Variants in RPH3AL observed in about 807,000 individuals in gnomAD.
RPH3AL encodes rab effector Noc2.
Under a neutral mutation model 43.1 loss-of-function variants are expected in RPH3AL, and 38 were observed. That is an observed-to-expected ratio of 0.88 (90% CI 0.68 to 1.15). The LOEUF is 1.15. RPH3AL is among the 50% of genes most tolerant of loss of function. RPH3AL has a pLI of 0.00. For synonymous variants in RPH3AL, 189 were observed against 176.3 expected, an observed-to-expected ratio of 1.07 and a Z score of -0.57; for missense variants, 462 against 423.2, an observed-to-expected ratio of 1.09 and a Z score of -0.81.
Position 328,168 on chromosome 17 carries a change from C to T in RPH3AL, c.-36-589G>A, listed in dbSNP as rs968197259. Among the ~76,000 whole-genome samples, 2 of 151,990 alleles carry T rather than the reference C, an allele frequency of 1.3e-5. No individual in the cohort carries two copies. Among genetic ancestry groups the T allele is most frequent in the African/African-American group, 4.8e-5 (2 of 41,378 alleles). ...TGCCAAGGGGAGCCGTCCATAGACA[C>T]TGCCATGAAAATGGCACCTGGGGAT... is the stretch of plus-strand genomic sequence containing the variant. On this transcript the variant is annotated intron_variant, in intron 2 of 9. Coordinates refer to ENST00000331302, the MANE Select transcript of RPH3AL (RefSeq NM_006987.4). This position sits in a 1 kb window ranked among gnomAD's most constrained non-coding sequence, Gnocchi z 4.2.
Position 213,791 on chromosome 17 carries a change from G to T in RPH3AL, c.*61C>A. 7.2e-7 allele frequency: 1 copy of T among 1,382,176 alleles called. No homozygotes were observed. The highest frequency in any genetic ancestry group is 1.0e-6 in the Non-Finnish European group (1 of 978,914). The allele number at this position is 1,382,176 out of a possible 1,614,324, so 85.6% of individuals were successfully genotyped here. On this transcript the variant is annotated 3_prime_UTR_variant, in exon 10 of 10. Coordinates refer to ENST00000331302, the MANE Select transcript of RPH3AL (RefSeq NM_006987.4). ...GAGGGCACAAGGACCGGTCAGGGAG[G>T]AGCCGGGCAGGGTCTGGCAGGAATC...
chr17:293,380 C>T (rs1322934017), intron 5 of RPH3AL, among the ~76,000 whole-genome samples: 6 of 151,640 alleles, frequency 4.0e-5, no homozygotes, highest in Admixed American at 2.0e-4. Context: ...GACGGGGCTT[C>T]GGATCATTTC....
rs2042788489 is a variant in RPH3AL at position 281,859 on chromosome 17, A to G, written c.352-5T>C. The G allele has an allele frequency of 1.9e-6, 3 of 1,612,012 alleles. No individual in the cohort carries two copies. Among genetic ancestry groups the G allele is most frequent in the Admixed American group, 1.7e-5 (1 of 59,996 alleles). On this transcript the variant is annotated splice_polypyrimidine_tract_variant and splice_region_variant and intron_variant, in intron 5 of 9. Coordinates refer to ENST00000331302, the MANE Select transcript of RPH3AL (RefSeq NM_006987.4). ...CCCACATTTGGTGCAGACTTTCTAC[A>G]AGAGAGAGGACATGGGGTTGTAAAG...
At chr17:351,341 C>T (rs1374348352) in intron 1 of RPH3AL, among the ~76,000 whole-genome samples, 2 of 152,174 alleles carry the variant, frequency 1.3e-5, no homozygotes, top group Admixed American at 1.3e-4. Context: ...TCCTCAAGCA[C>T]CCTCAATAGC....
At chr17:319,347 A>G (rs997926810) in intron 5 of RPH3AL, 73 bp downstream of exon 5, 2 of 1,547,944 alleles carry the variant, frequency 1.3e-6, no homozygotes, top group African/African-American at 2.7e-5. Flanking sequence ...GGGAGCCAGG[A>G]TGCAAAGCCA....
In RPH3AL at chr17:281,823, G is replaced by T; in HGVS notation, c.383C>A (p.Ser128Tyr). 1 of 1,614,164 alleles carries T rather than the reference G, an allele frequency of 6.2e-7. No individual in the cohort carries two copies. Among genetic ancestry groups the T allele is most frequent in the Non-Finnish European group, 8.5e-7 (1 of 1,180,034 alleles). ...CCACAGGGGCCGCTTCTGGCCAGGGGAGGCCTCGATCCCACATTTGGTGCA... is the reference window on the plus strand; with the variant it reads ...CCACAGGGGCCGCTTCTGGCCAGGGTAGGCCTCGATCCCACATTTGGTGCA... ...KVCTKCGIEA[S>Y]PGQKRPLWLC... Residue 128 changes from serine to tyrosine, a missense_variant, in exon 6 of 10, where the codon TCC becomes TAC. Coordinates refer to ENST00000331302, the MANE Select transcript of RPH3AL (RefSeq NM_006987.4).
intron 6 of RPH3AL, among the ~76,000 whole-genome samples, chr17:277,972 A>T (rs182085349): frequency 3.1e-4 from 47 of 151,794 alleles, no homozygotes; most frequent in African/African-American, 1.0e-3. Flanking sequence ...CAAAACAAAT[A>T]AAAAAAACCC....
chr17:321,308 G>T lies in RPH3AL; in HGVS notation c.185C>A (p.Ala62Glu). ...CTGCTCCAGGACGTCGAGCCGCTCT[G>T]CCCTCTGGATGACCTGCAGGATGGC... Reference protein sequence around the residue: ...VEAILQVIQRAERLDVLEQQR... With the variant: ...VEAILQVIQREERLDVLEQQR... Residue 62 changes from alanine to glutamate, a missense_variant, in exon 4 of 10, where the codon GCA becomes GAA. Ala to Glu is a moderately radical substitution (Grantham distance 107). Coordinates refer to ENST00000331302, the MANE Select transcript of RPH3AL (RefSeq NM_006987.4). The T allele has an allele frequency of 6.2e-7, 1 of 1,610,838 alleles. No individual in the cohort carries two copies.
At position 215,840 on chromosome 17, in the gene RPH3AL, C is replaced by T; in HGVS notation, c.728-38G>A. 3.1e-6 allele frequency: 4 copies of T among 1,302,832 alleles called. No individual in the cohort carries two copies. The highest frequency in any genetic ancestry group is 3.9e-6 in the Non-Finnish European group (4 of 1,022,544). 80.7% of individuals were successfully genotyped at this position (1,302,832 alleles called of 1,614,324 possible). A position where few individuals can be genotyped will look rare whatever the true frequency, so the allele number is the denominator to read the frequency against. ...ACGTGTGGGCCCCGTGGATCTCAAA[C>T]CGAGACGGGGTGATCTCAGTCCAGT... On this transcript the variant is annotated intron_variant, in intron 8 of 9. Transcript: ENST00000331302. The surrounding 1 kb of genome is among the most constrained non-coding windows in gnomAD (Gnocchi z 4.1).
intron 2 of RPH3AL, chr17:331,536 G>T: frequency 1.6e-6 from 2 of 1,240,910 alleles, no homozygotes; most frequent in African/African-American, 1.5e-5. Flanking sequence ...TCCTTCACTC[G>T]CACGGAGCAA....
chr17:347,130 C>T lies in RPH3AL; in HGVS notation c.-213+5582G>A, dbSNP rs2045252080. 5.9e-5 allele frequency among the ~76,000 whole-genome samples: 8 copies of T among 134,492 alleles called. 2 individuals are homozygous for T. The allele number at this position is 134,492 out of a possible 152,430, so 88.2% of individuals were successfully genotyped here. On this transcript the variant is annotated intron_variant, in intron 1 of 9. Transcript: ENST00000331302. ...AAAATTAGCCAGGCATGGTGGCAGGCACCTGTAGTCCCAGCTATTCAGGAG... is the reference window on the plus strand; with the variant it reads ...AAAATTAGCCAGGCATGGTGGCAGGTACCTGTAGTCCCAGCTATTCAGGAG...
intron 5 of RPH3AL, among the ~76,000 whole-genome samples, chr17:314,999 C>T (rs1258527579): frequency 6.8e-6 from 1 of 148,080 alleles, no homozygotes; most frequent in Admixed American, 6.6e-5. Flanking sequence ...CTCCATTGAC[C>T]TGTAGTCTCT....
At chr17:294,115 G>T (rs2043112733) in intron 5 of RPH3AL, among the ~76,000 whole-genome samples, 1 of 152,170 alleles carries the variant, frequency 6.6e-6, no homozygotes, top group African/African-American at 2.4e-5. Flanking sequence ...GGTCTCCAGG[G>T]GTTCCTGAGT....
intron 5 of RPH3AL, among the ~76,000 whole-genome samples, chr17:302,660 A>C (rs1200817728): frequency 6.6e-6 from 1 of 151,940 alleles, no homozygotes; most frequent in African/African-American, 2.4e-5. Context: ...TGCCACCCAC[A>C]CTCACCCCAG....
intron 5 of RPH3AL, among the ~76,000 whole-genome samples, chr17:318,431 G>T (rs1196071169): frequency 6.6e-6 from 1 of 152,154 alleles, no homozygotes; most frequent in Non-Finnish European, 1.5e-5. Context: ...TTGAGGATGG[G>T]TTCCAGCAAA....
chr17:273,118 C>T (rs1437257372), intron 6 of RPH3AL, among the ~76,000 whole-genome samples: 3 of 103,228 alleles, frequency 2.9e-5, no homozygotes, highest in Admixed American at 1.0e-4. Flanking sequence ...GAGACCCCAG[C>T]GAGGGTGACG....
In RPH3AL at chr17:213,822, C is replaced by A; in HGVS notation, c.*30G>T. Reference sequence around the variant, plus strand: ...GGCAGGGTCTGGCAGGAATCCTCCACAGGGAAGTCTGTTCCAGGCACCAGA... The same window carrying A: ...GGCAGGGTCTGGCAGGAATCCTCCAAAGGGAAGTCTGTTCCAGGCACCAGA... On this transcript the variant is annotated 3_prime_UTR_variant, in exon 10 of 10. Coordinates refer to ENST00000331302, the MANE Select transcript of RPH3AL (RefSeq NM_006987.4). The A allele has an allele frequency of 1.3e-6, 2 of 1,595,246 alleles. No homozygotes were observed. Among genetic ancestry groups the A allele is most frequent in the Non-Finnish European group, 1.7e-6 (2 of 1,164,288 alleles).
At chr17:219,548 G>GTTT in intron 8 of RPH3AL, 75 bp downstream of exon 8, 3 of 92,058 alleles carry the variant, frequency 3.3e-5, no homozygotes, top group Non-Finnish European at 5.7e-5. Flanking sequence ...TTTTTGAGAT[G>GTTT]GAGTTTCGCT....
chr17:311,039 C>A (rs1405289483), intron 5 of RPH3AL, among the ~76,000 whole-genome samples: 3 of 151,920 alleles, frequency 2.0e-5, no homozygotes, highest in Non-Finnish European at 4.4e-5. Context: ...TGCCCATTCA[C>A]TGCTCAAATG....
Sources: allele counts gnomAD v4.1 joint callset (sites outside exome capture counted in the v4.1 genomes callset), GRCh38; gene constraint gnomAD v4.1.1; non-coding constraint Gnocchi (gnomAD v3.1); transcripts MANE v1.5; gene names NCBI Gene and HGNC (gene_info 2026-07-23, HGNC 2026-07-21).